Variants in MAF observed in about 807,000 individuals in gnomAD.
The protein encoded by MAF is MAF bZIP transcription factor.
In MAF, 10 loss-of-function variants were observed where a neutral mutation model predicts 22.0. The ratio of observed to expected loss-of-function variants is 0.45; its 90% CI spans 0.28 to 0.77. MAF has a LOEUF of 0.77. Ranked by LOEUF, MAF falls within the 30% of genes least tolerant of loss-of-function variation. The probability of loss-of-function intolerance (pLI) is 0.12; values close to 1 mark genes in which losing one functional copy is unlikely to be tolerated. For missense variants in MAF, 544 were observed against 548.4 expected (o/e 0.99, Z 0.08); for synonymous variants, 337 against 255.8 (o/e 1.32, Z -3.03).
At chr16:79,445,153 C>T in the MAF span, among the ~76,000 whole-genome samples, 3 of 152,062 alleles carry the variant, frequency 2.0e-5, no homozygotes, top group South Asian at 4.2e-4. Flanking sequence ...CCTGCCTCAG[C>T]CCCCTGAGCA....
the MAF span, among the ~76,000 whole-genome samples, chr16:79,300,554 A>AAAAC: frequency 0.043 from 6,552 of 151,206 alleles, 375 homozygotes; most frequent in African/African-American, 0.13. Context: ...ACTCCATCTC[A>AAAAC]AAACAAACAA....
the MAF span, among the ~76,000 whole-genome samples, chr16:79,324,690 G>T: frequency 6.6e-6 from 1 of 152,130 alleles, no homozygotes; most frequent in African/African-American, 2.4e-5. Flanking sequence ...GAAAGGGGAG[G>T]AGGCACAGGC....
the MAF span, among the ~76,000 whole-genome samples, chr16:79,455,100 A>G: frequency 4.6e-5 from 7 of 151,724 alleles, no homozygotes; most frequent in Non-Finnish European, 1.5e-5. Flanking sequence ...CCGTCTTAAA[A>G]AAAAAAAAAA....
chr16:79,497,587 A>T, the MAF span, among the ~76,000 whole-genome samples: 3 of 152,230 alleles, frequency 2.0e-5, no homozygotes, highest in African/African-American at 7.2e-5. Flanking sequence ...TTCACCTCAC[A>T]GGCCTCATGT....
At chr16:79,466,946 C>G in the MAF span, among the ~76,000 whole-genome samples, 5 of 152,320 alleles carry the variant, frequency 3.3e-5, no homozygotes, top group South Asian at 8.3e-4. Context: ...CAGAGGGGAA[C>G]AGAATCTTGG....
At chr16:79,215,396 G>C in the MAF span, among the ~76,000 whole-genome samples, 1 of 152,176 alleles carries the variant, frequency 6.6e-6, no homozygotes, top group Non-Finnish European at 1.5e-5. Context: ...TGATCAGAGA[G>C]GTGACTTTAT....
At chr16:79,559,137 C>T in the MAF span, among the ~76,000 whole-genome samples, 3 of 152,062 alleles carry the variant, frequency 2.0e-5, no homozygotes, top group Admixed American at 1.3e-4. Flanking sequence ...GGACACTGGC[C>T]GTGGTTTGGG....
the MAF span, among the ~76,000 whole-genome samples, chr16:79,298,569 A>G: frequency 6.6e-6 from 1 of 152,212 alleles, no homozygotes; most frequent in Non-Finnish European, 1.5e-5. Flanking sequence ...TCTTCCAGCC[A>G]GGTTAAGAAG....
At chr16:79,281,910 G>C in the MAF span, among the ~76,000 whole-genome samples, 2 of 152,142 alleles carry the variant, frequency 1.3e-5, no homozygotes, top group African/African-American at 4.8e-5. Context: ...TGTGTGGCTA[G>C]CAAGGACCAC....
At chr16:79,383,779 C>G in the MAF span, among the ~76,000 whole-genome samples, 1 of 152,086 alleles carries the variant, frequency 6.6e-6, no homozygotes, top group Non-Finnish European at 1.5e-5. Flanking sequence ...CTCATTAAAC[C>G]TGCAGTTGGT....
At chr16:79,267,631 T>C in the MAF span, among the ~76,000 whole-genome samples, 1 of 152,184 alleles carries the variant, frequency 6.6e-6, no homozygotes, top group Non-Finnish European at 1.5e-5. Flanking sequence ...TAGTATGACA[T>C]GGAGAGAGTT....
At chr16:79,470,075 A>G in the MAF span, among the ~76,000 whole-genome samples, 1 of 152,214 alleles carries the variant, frequency 6.6e-6, no homozygotes, top group Non-Finnish European at 1.5e-5. Flanking sequence ...CTCTCAGGCC[A>G]TGTCAGGCAT....
At chr16:79,491,968 C>T in the MAF span, among the ~76,000 whole-genome samples, 32 of 152,324 alleles carry the variant, frequency 2.1e-4, no homozygotes, top group Non-Finnish European at 3.8e-4. Context: ...GTACCCGGAA[C>T]TGACAATGAG....
chr16:79,346,593 G>T, the MAF span, among the ~76,000 whole-genome samples: 307 of 152,308 alleles, frequency 2.0e-3, 3 homozygotes, highest in Admixed American at 4.4e-3. Flanking sequence ...GAAGGATTTT[G>T]AAGGTGATGA....
the MAF span, among the ~76,000 whole-genome samples, chr16:79,303,719 AG>A: frequency 6.6e-6 from 1 of 152,196 alleles, no homozygotes; most frequent in Non-Finnish European, 1.5e-5. Context: ...CGTAAGAAAG[AG>A]TGCTATAATT....
At chr16:79,224,183 C>G in the MAF span, among the ~76,000 whole-genome samples, 1 of 152,188 alleles carries the variant, frequency 6.6e-6, no homozygotes, top group Admixed American at 6.5e-5. Flanking sequence ...AGTTTTATCC[C>G]TGGGATGCAA....
At chr16:79,503,739 T>C in the MAF span, among the ~76,000 whole-genome samples, 1 of 152,182 alleles carries the variant, frequency 6.6e-6, no homozygotes, top group Non-Finnish European at 1.5e-5. Context: ...TCAGAACTAA[T>C]TGTGTGGCCC....
the MAF span, among the ~76,000 whole-genome samples, chr16:79,319,754 T>C: frequency 6.6e-6 from 1 of 152,236 alleles, no homozygotes; most frequent in East Asian, 1.9e-4. Flanking sequence ...GAGTGAAAAG[T>C]GGCAGGGTGA....
the MAF span, among the ~76,000 whole-genome samples, chr16:79,243,224 GAC>G: frequency 1.3e-5 from 2 of 151,656 alleles, no homozygotes; most frequent in African/African-American, 4.8e-5. Context: ...AGGTGATAGA[GAC>G]ACAAAAAACC....
Sources: gnomAD v4.1 joint callset for allele counts (sites outside exome capture counted in the v4.1 genomes callset) on GRCh38, gnomAD v4.1.1 for gene constraint, MANE v1.5 for transcripts, NCBI Gene and HGNC (gene_info 2026-07-23, HGNC 2026-07-21) for gene names.